The following GDF1 variants were observed in gnomAD, a reference collection of about 807,000 sequenced individuals.
GDF1 encodes growth differentiation factor 1.
Under a neutral mutation model 7.4 loss-of-function variants are expected in GDF1, and 8 were observed. The observed-to-expected ratio is 1.09, with a 90% CI of 0.64 to 1.96. GDF1 has a LOEUF of 1.96. GDF1 is among the 30% of genes most tolerant of loss of function. GDF1 has a pLI of 0.00. For missense variants in GDF1, 574 were observed against 551.5 expected (o/e 1.04, Z -0.41); for synonymous variants, 311 against 276.7 (o/e 1.12, Z -1.23).
At position 18,895,702 on chromosome 19, in the gene GDF1, G is replaced by A; in HGVS notation, c.-1074+122C>T. Reference sequence around the variant, plus strand: ...AGCCCGAGGCCCCCACCCACGTTCCGGCGACCCCTTCATCCGCAGCAGCCA... The same window carrying A: ...AGCCCGAGGCCCCCACCCACGTTCCAGCGACCCCTTCATCCGCAGCAGCCA... On this transcript the variant is annotated intron_variant, in intron 1 of 7. Transcript: ENST00000247005. This position sits in a 1 kb window ranked among gnomAD's most constrained non-coding sequence, Gnocchi z 6.4. The A allele has an allele frequency of 6.8e-6, 3 of 439,248 alleles. No individual in the cohort carries two copies. The highest frequency in any genetic ancestry group is 6.7e-6 in the Non-Finnish European group (2 of 299,722). 27.2% of individuals were successfully genotyped at this position (439,248 alleles called of 1,614,324 possible). A position where few individuals can be genotyped will look rare whatever the true frequency, so the allele number is the denominator to read the frequency against.
chr19:18,874,824 G>A (rs2056033642), intron 6 of GDF1, among the ~76,000 whole-genome samples: 1 of 152,222 alleles, frequency 6.6e-6, no homozygotes, highest in African/African-American at 2.4e-5. Context: ...CAGCAATGGG[G>A]TGAGATGGGG....
In GDF1 at chr19:18,877,958, C is replaced by T. The variant is rs1045006506; in HGVS notation, c.-313+972G>A. The T allele has an allele frequency of 5.0e-5, 49 of 984,062 alleles. No homozygotes were observed. The African/African-American group carries it at 7.5e-4, about 15-fold the overall frequency. 61.0% of individuals were successfully genotyped at this position (984,062 alleles called of 1,614,324 possible). ...ATTTCTGTTTCATCTACACCCAAGG[C>T]GAATCTGATGGGTTCTCCCTTCCAA... On this transcript the variant is annotated intron_variant, in intron 6 of 7. Transcript: ENST00000247005.
chr19:18,886,457 G>C (rs2056363780), intron 2 of GDF1, among the ~76,000 whole-genome samples: 1 of 152,138 alleles, frequency 6.6e-6, no homozygotes, highest in African/African-American at 2.4e-5. Flanking sequence ...GCTGAGGTGG[G>C]AGGATCACTT....
chr19:18,878,128 G>A lies in GDF1; in HGVS notation c.-313+802C>T, dbSNP rs2056098067. On this transcript the variant is annotated intron_variant, in intron 6 of 7. Transcript: ENST00000247005. This position sits in a 1 kb window ranked among gnomAD's most constrained non-coding sequence, Gnocchi z 4.6. ...AACCATCGTTCCCACGTCACCGATG[G>A]CCCCCACCGGCCAAATCAGAGGGCC... 3 of 985,296 alleles carry A rather than the reference G, an allele frequency of 3.0e-6. No homozygotes were observed. The highest frequency in any genetic ancestry group is 9.4e-5 in the South Asian group (2 of 21,280). 61.0% of individuals were successfully genotyped at this position (985,296 alleles called of 1,614,324 possible).
chr19:18,869,372 G>A lies in GDF1; in HGVS notation c.344C>T (p.Ser115Leu), dbSNP rs776966639. The A allele has an allele frequency of 3.9e-6, 6 of 1,529,848 alleles. No homozygotes were observed. Among genetic ancestry groups the A allele is most frequent in the South Asian group, 1.2e-5 (1 of 83,892 alleles). 94.8% of individuals were successfully genotyped at this position (1,529,848 alleles called of 1,614,324 possible). Residue 115 changes from serine to leucine, a missense_variant, in exon 8 of 8, where the codon TCG becomes TTG. Coordinates refer to ENST00000247005, the MANE Select transcript of GDF1 (RefSeq NM_001492.6). ...ATGCCCCGCGGCCGAGGCAGGCTCC[G>A]AGGCCCGGGTGGGCGCACCTGGGGA... ...IPDRGAPTRA[S>L]EPASAAGHCP...
chr19:18,884,363 C>T (rs2056296842), intron 2 of GDF1, 96 bp from the exon 3 acceptor site: 1 of 1,158,108 alleles, frequency 8.6e-7, no homozygotes, highest in Non-Finnish European at 1.2e-6. Context: ...ACGTGTCCTC[C>T]CAGTACCCAG....
Position 18,868,741 on chromosome 19 carries a change from G to A in GDF1, c.975C>T (p.His325=). 1 of 1,527,358 alleles carries A rather than the reference G, an allele frequency of 6.5e-7. No individual in the cohort carries two copies. 94.6% of individuals were successfully genotyped at this position (1,527,358 alleles called of 1,614,324 possible). A position where few individuals can be genotyped will look rare whatever the true frequency, so the allele number is the denominator to read the frequency against. Residue 325 remains histidine (H), a synonymous_variant, in exon 8 of 8, where the codon CAC becomes CAT. Transcript: ENST00000247005. ...GGTCGGCGGCTCCCGGGGCGGCCGC[G>A]TGCATGAGCGCGCGCAGCACAGCGT... is the stretch of plus-strand genomic sequence containing the variant. The part of the protein sequence containing the change: ...LNHAVLRALM[H]AAAPGAADLP...
chr19:18,895,821 G>A lies in GDF1; in HGVS notation c.-1074+3C>T. On this transcript the variant is annotated splice_donor_region_variant and intron_variant, in intron 1 of 7. Transcript: ENST00000247005. This position sits in a 1 kb window ranked among gnomAD's most constrained non-coding sequence, Gnocchi z 6.4. ...CCTCGTCCCGGCCCCCGGCCACACT[G>A]ACCCGAAAGAGGCGCGCAGTGGCCG... 3 of 1,269,234 alleles carry A rather than the reference G, an allele frequency of 2.4e-6. No homozygotes were observed. The highest frequency in any genetic ancestry group is 3.0e-6 in the Non-Finnish European group (3 of 1,005,266). 78.6% of individuals were successfully genotyped at this position (1,269,234 alleles called of 1,614,324 possible). A position where few individuals can be genotyped will look rare whatever the true frequency, so the allele number is the denominator to read the frequency against.
rs996708246 is a variant in GDF1, at chr19:18,896,059, C to CCCG, written c.-1312_-1310dup. The CCCG allele has an allele frequency of 7.7e-5, 76 of 982,136 alleles. No homozygotes were observed. The highest frequency in any genetic ancestry group is 4.5e-4 in the East Asian group (4 of 8,856). 60.8% of individuals were successfully genotyped at this position (982,136 alleles called of 1,614,324 possible). Reference sequence around the variant, plus strand: ...GGGCCCCGTCGGCCCCGCCGCGGGCCCCGCCGCCGCCATACCGCCCGCTCG... The same window carrying CCCG: ...GGGCCCCGTCGGCCCCGCCGCGGGCCCCGCCGCCGCCGCCATACCGCCCGCTCG... On this transcript the variant is annotated 5_prime_UTR_variant, in exon 1 of 8. Transcript: ENST00000247005. This position sits in a 1 kb window ranked among gnomAD's most constrained non-coding sequence, Gnocchi z 5.9.
rs770147092 is a variant in GDF1 at position 18,870,257 on chromosome 19, C to CAGG, written c.48_50dup (p.Leu17dup). The CAGG allele has an allele frequency of 1.9e-6, 3 of 1,551,538 alleles. No homozygotes were observed. The highest frequency in any genetic ancestry group is 1.4e-5 in the African/African-American group (1 of 73,378). ...GGGGCAGCGAGGGCAGCAGCAGGGC[C>CAGG]AGGAGGAGGAGGAGGTGGTGGCCGC... is the stretch of plus-strand genomic sequence containing the variant. On this transcript the variant is annotated inframe_insertion, in exon 7 of 8. Coordinates refer to ENST00000247005, the MANE Select transcript of GDF1 (RefSeq NM_001492.6). This position sits in a 1 kb window ranked among gnomAD's most constrained non-coding sequence, Gnocchi z 5.1.
chr19:18,869,550 G>A (rs1409298187), intron 7 of GDF1, among the ~76,000 whole-genome samples, 160 bp from the exon 8 acceptor site: 1 of 146,776 alleles, frequency 6.8e-6, no homozygotes, highest in Non-Finnish European at 1.5e-5. Flanking sequence ...TGGGGGCAGG[G>A]CATGAGTTCC....
intron 6 of GDF1, among the ~76,000 whole-genome samples, chr19:18,874,989 C>G (rs2056036095): frequency 6.6e-6 from 1 of 152,126 alleles, no homozygotes; most frequent in African/African-American, 2.4e-5. Context: ...AATGCCAGCA[C>G]TTTGGGAGGC....
intron 6 of GDF1, among the ~76,000 whole-genome samples, chr19:18,875,448 C>T (rs1318446353): frequency 6.6e-6 from 1 of 150,970 alleles, no homozygotes; most frequent in East Asian, 1.9e-4. Context: ...GAGGCTGAGG[C>T]AGGAGAATTA....
rs1318457441 is a variant in GDF1 at position 18,895,333 on chromosome 19, C to A, written c.-1074+491G>T. ...ACCTCGCTCCGGGCCGGGGCGCAGC[C>A]CGCATGGCAGGGAGGCGCATGGCGC... On this transcript the variant is annotated intron_variant, in intron 1 of 7. Coordinates refer to ENST00000247005, the MANE Select transcript of GDF1 (RefSeq NM_001492.6). This position sits in a 1 kb window ranked among gnomAD's most constrained non-coding sequence, Gnocchi z 6.4. 6.6e-6 allele frequency among the ~76,000 whole-genome samples: 1 copy of A among 152,216 alleles called. No individual in the cohort carries two copies. Among genetic ancestry groups the A allele is most frequent in the Non-Finnish European group, 1.5e-5 (1 of 68,034 alleles).
rs1218431573 is a variant in GDF1 at position 18,878,607 on chromosome 19, C to G, written c.-313+323G>C. ...CATCCAGGCTGGCCAGCAACTACTC[C>G]TCACCACCCACAGGGCCCTGGCTCG... On this transcript the variant is annotated intron_variant, in intron 6 of 7. Coordinates refer to ENST00000247005, the MANE Select transcript of GDF1 (RefSeq NM_001492.6). This position sits in a 1 kb window ranked among gnomAD's most constrained non-coding sequence, Gnocchi z 4.6. 5 of 1,159,322 alleles carry G rather than the reference C, an allele frequency of 4.3e-6. No homozygotes were observed. The African/African-American group carries it at 8.0e-5, about 19-fold the overall frequency. 71.8% of individuals were successfully genotyped at this position (1,159,322 alleles called of 1,614,324 possible).
chr19:18,869,967 C>A lies in GDF1; in HGVS notation c.325+16G>T. The A allele has an allele frequency of 6.4e-7, 1 of 1,572,984 alleles. No individual in the cohort carries two copies. Among genetic ancestry groups the A allele is most frequent in the Non-Finnish European group, 8.6e-7 (1 of 1,160,978 alleles). ...TGGCCTCCAGGACCAGTGTCCCCAGCGAAAGCCCCACTCACCGCGGTCCGG... is the reference window on the plus strand; with the variant it reads ...TGGCCTCCAGGACCAGTGTCCCCAGAGAAAGCCCCACTCACCGCGGTCCGG... On this transcript the variant is annotated intron_variant, in intron 7 of 7. Coordinates refer to ENST00000247005, the MANE Select transcript of GDF1 (RefSeq NM_001492.6).
rs766021529 is a variant in GDF1 at position 18,879,283 on chromosome 19, C to A, written c.-465G>T. 1 of 1,613,196 alleles carries A rather than the reference C, an allele frequency of 6.2e-7. No homozygotes were observed. Among genetic ancestry groups the A allele is most frequent in the Non-Finnish European group, 8.5e-7 (1 of 1,179,684 alleles). On this transcript the variant is annotated 5_prime_UTR_variant, in exon 5 of 8. Coordinates refer to ENST00000247005, the MANE Select transcript of GDF1 (RefSeq NM_001492.6). Reference sequence around the variant, plus strand: ...TCATAAGGGTGAGCAGCAGCAGGAGCGCATTGAAGAAGAAGTAGAAGGGGA... The same window carrying A: ...TCATAAGGGTGAGCAGCAGCAGGAGAGCATTGAAGAAGAAGTAGAAGGGGA...
intron 6 of GDF1, among the ~76,000 whole-genome samples, chr19:18,872,334 T>C (rs1240182267): frequency 6.6e-6 from 1 of 152,202 alleles, no homozygotes; most frequent in African/African-American, 2.4e-5. Context: ...AGCTTTTCTC[T>C]GTTATCTTTT....
chr19:18,870,098 G>T lies in GDF1; in HGVS notation c.210C>A (p.Asp70Glu), dbSNP rs769520095. 1.9e-6 allele frequency: 3 copies of T among 1,571,748 alleles called. No individual in the cohort carries two copies. The highest frequency in any genetic ancestry group is 2.3e-5 in the South Asian group (2 of 87,118). ...PVMWRLFRRR[D>E]PQETRSGSRR... ...GCGAGCCAGACCTGGTCTCCTGGGG[G>T]TCCCGGCGTCGAAACAGGCGCCACA... Residue 70 changes from aspartate to glutamate, a missense_variant, in exon 7 of 8, where the codon GAC becomes GAA. Physicochemically the swap from Asp to Glu is conservative, Grantham distance 45. Transcript: ENST00000247005. The surrounding 1 kb of genome is among the most constrained non-coding windows in gnomAD (Gnocchi z 5.1).
Sources: gnomAD v4.1 joint callset for allele counts (sites outside exome capture counted in the v4.1 genomes callset) on GRCh38, gnomAD v4.1.1 for gene constraint, Gnocchi (gnomAD v3.1) non-coding constraint, MANE v1.5 for transcripts, NCBI Gene and HGNC (gene_info 2026-07-23, HGNC 2026-07-21) for gene names.